The following TCF4 variants were observed in gnomAD, a reference collection of about 807,000 sequenced individuals.
TCF4 encodes the protein transcription factor 4.
A neutral mutation model predicts 82.1 loss-of-function variants in TCF4; 3 were observed. The ratio of observed to expected loss-of-function variants is 0.04; its 90% confidence interval spans 0.02 to 0.09. TCF4 has a LOEUF of 0.09. Ranked by LOEUF, TCF4 falls within the 10% of genes least tolerant of loss-of-function variation. TCF4 has a pLI of 1.00. For missense variants in TCF4, 518 were observed against 852.7 expected (o/e 0.61, Z 4.89); for synonymous variants, 276 against 309.6 (o/e 0.89, Z 1.14).
intron 2 of TCF4, among the ~76,000 whole-genome samples, chr18:55,614,075 G>A (rs1269033140): frequency 6.6e-6 from 1 of 152,020 alleles, no homozygotes; most frequent in East Asian, 1.9e-4. Flanking sequence ...TAATTTTTTT[G>A]TAGAGACGAG....
chr18:55,224,764 A>G lies in TCF4; in HGVS notation c.*3271T>C, dbSNP rs2046370131. On this transcript the variant is annotated 3_prime_UTR_variant, in exon 20 of 20. Transcript: ENST00000354452. ...ACATTAGTGTTCCTTGCAGCTACACAGAAGACAAATGGTAAAAATTTCTAG... is the reference window on the plus strand; with the variant it reads ...ACATTAGTGTTCCTTGCAGCTACACGGAAGACAAATGGTAAAAATTTCTAG... 6.6e-6 allele frequency: 1 copy of G among 152,638 alleles called. No homozygotes were observed. The highest frequency in any genetic ancestry group is 1.9e-4 in the East Asian group (1 of 5,200). The allele number at this position is 152,638 out of a possible 1,614,324, so 9.5% of individuals were successfully genotyped here.
chr18:55,236,230 A>C (rs1247809178), intron 15 of TCF4, among the ~76,000 whole-genome samples: 1 of 152,174 alleles, frequency 6.6e-6, no homozygotes, highest in East Asian at 1.9e-4. Context: ...TGAATGTTTC[A>C]GCAGAGAGAT....
intron 3 of TCF4, 82 bp from the exon 4 acceptor site, chr18:55,464,219 A>G (rs2095952692): frequency 2.4e-6 from 3 of 1,224,502 alleles, no homozygotes; most frequent in East Asian, 2.3e-5. Context: ...TAATGTTTCA[A>G]ATTAATCTCC....
chr18:55,388,881 T>C (rs923490648), intron 6 of TCF4, among the ~76,000 whole-genome samples: 11 of 152,066 alleles, frequency 7.2e-5, no homozygotes, highest in African/African-American at 2.7e-4. Context: ...CTCAGCACTT[T>C]GGGAGGCCGA....
intron 6 of TCF4, among the ~76,000 whole-genome samples, chr18:55,357,657 T>G (rs907338249): frequency 6.6e-6 from 1 of 152,180 alleles, no homozygotes; most frequent in Non-Finnish European, 1.5e-5. Context: ...CAAGTCAGTC[T>G]TCATCATATT....
chr18:55,503,574 G>A lies in TCF4; in HGVS notation c.146-39437C>T, dbSNP rs541737866. Among the ~76,000 whole-genome samples, 79 of 152,254 alleles carry A rather than the reference G, an allele frequency of 5.2e-4. 1 individual carries two copies. The highest frequency in any genetic ancestry group is 5.2e-4 in the Admixed American group (8 of 15,298). On this transcript the variant is annotated intron_variant, in intron 3 of 19. Transcript: ENST00000354452. The stretch of plus-strand genomic sequence containing the variant: ...TGACAGAAGTCCTTGTGTTATCCAC[G>A]AATAAGTACCTAACTCTGACTCATA...
At chr18:55,377,844 A>T (rs184651602) in intron 6 of TCF4, among the ~76,000 whole-genome samples, 7 of 152,236 alleles carry the variant, frequency 4.6e-5, no homozygotes, top group Non-Finnish European at 7.3e-5. Flanking sequence ...AACAAGACAC[A>T]TTGCCAGAGA....
chr18:55,301,317 G>A lies in TCF4; in HGVS notation c.550-21661C>T, dbSNP rs146138850. Among the ~76,000 whole-genome samples, 33 of 152,306 alleles carry A rather than the reference G, an allele frequency of 2.2e-4. No homozygotes were observed. The East Asian group carries it at 6.0e-3, about 28-fold the overall frequency. ...TCTCTTATTTCCACCAACACTGACA[G>A]AAGTACAAGTAGCATACGGCTCTCG... On this transcript the variant is annotated intron_variant, in intron 8 of 19. Transcript: ENST00000354452.
chr18:55,421,355 GATTT>G (rs1459155296), intron 5 of TCF4, among the ~76,000 whole-genome samples: 2 of 152,156 alleles, frequency 1.3e-5, no homozygotes, highest in African/African-American at 2.4e-5. Flanking sequence ...AGGGAAAAAA[GATTT>G]ATTTTAAAAT....
chr18:55,615,863 T>C (rs1174981411), intron 2 of TCF4, among the ~76,000 whole-genome samples: 1 of 152,152 alleles, frequency 6.6e-6, no homozygotes, highest in East Asian at 1.9e-4. Context: ...TGGATCATGA[T>C]ATATTGTCCA....
At chr18:55,232,167 C>A in intron 17 of TCF4, 1 of 241,302 alleles carries the variant, frequency 4.1e-6, no homozygotes, top group Non-Finnish European at 8.2e-6. Context: ...TTTAACATGG[C>A]TACAATCTCT....
At chr18:55,442,792 T>C (rs1011350323) in intron 5 of TCF4, among the ~76,000 whole-genome samples, 1 of 152,176 alleles carries the variant, frequency 6.6e-6, no homozygotes, top group Non-Finnish European at 1.5e-5. Context: ...GCCAGGTGCA[T>C]AGAAGAACTT....
intron 3 of TCF4, among the ~76,000 whole-genome samples, chr18:55,566,202 G>T (rs962661177): frequency 6.6e-6 from 1 of 151,980 alleles, no homozygotes; most frequent in African/African-American, 2.4e-5. Flanking sequence ...GACAGAGCGA[G>T]ATTCTGCCTC....
chr18:55,366,049 T>C (rs1201259885), intron 6 of TCF4, among the ~76,000 whole-genome samples: 1 of 151,928 alleles, frequency 6.6e-6, no homozygotes, highest in Non-Finnish European at 1.5e-5. Flanking sequence ...ATATAGACCA[T>C]GTGGATAGGC....
chr18:55,234,495 A>G (rs2048796364), intron 16 of TCF4, 53 bp downstream of exon 16: 1 of 1,613,462 alleles, frequency 6.2e-7, no homozygotes, highest in Non-Finnish European at 8.5e-7. Flanking sequence ...GGGTATCAAC[A>G]CTGGTCCTAT....
intron 8 of TCF4, among the ~76,000 whole-genome samples, chr18:55,316,472 T>A (rs1037902003): frequency 6.6e-6 from 1 of 152,078 alleles, no homozygotes; most frequent in Non-Finnish European, 1.5e-5. Flanking sequence ...CAAGTAGGCT[T>A]GGAAACACAC....
chr18:55,311,304 T>C (rs1288711892), intron 8 of TCF4, among the ~76,000 whole-genome samples: 2 of 152,186 alleles, frequency 1.3e-5, no homozygotes, highest in East Asian at 1.9e-4. Context: ...ATATATCACT[T>C]TGCAAGCAGG....
At chr18:55,368,113 C>T (rs1265928488) in intron 6 of TCF4, among the ~76,000 whole-genome samples, 1 of 152,170 alleles carries the variant, frequency 6.6e-6, no homozygotes, top group African/African-American at 2.4e-5. Flanking sequence ...CAGCCGGGCG[C>T]GGTGGCTCAT....
intron 3 of TCF4, among the ~76,000 whole-genome samples, chr18:55,561,337 G>A (rs1026072181): frequency 6.6e-6 from 1 of 152,046 alleles, no homozygotes; most frequent in Admixed American, 6.6e-5. Flanking sequence ...TGAGTGCCTC[G>A]AGATCCAAAA....
Sources: allele counts gnomAD v4.1 joint callset (sites outside exome capture counted in the v4.1 genomes callset), GRCh38; gene constraint gnomAD v4.1.1; transcripts MANE v1.5; gene names NCBI Gene and HGNC (gene_info 2026-07-23, HGNC 2026-07-21).